Variants in PCDH15 observed in about 807,000 individuals in gnomAD.
PCDH15 encodes protocadherin related 15, also known as protocadherin-15.
Under a neutral mutation model 178.5 loss-of-function variants are expected in PCDH15, and 129 were observed. That is an observed-to-expected ratio of 0.72 (90% CI 0.63 to 0.84). The LOEUF is 0.84. Among genes scored for constraint, PCDH15 ranks in the 40% least tolerant of loss-of-function variants. PCDH15 has a pLI of 0.00. For missense variants in PCDH15, 2,230 were observed against 2,099.9 expected (o/e 1.06, Z -1.21); for synonymous variants, 800 against 732.0 (o/e 1.09, Z -1.50).
chr10:53,996,800 G>A (rs1037856892), intron 20 of PCDH15, among the ~76,000 whole-genome samples: 23 of 152,084 alleles, frequency 1.5e-4, no homozygotes, highest in Middle Eastern at 3.4e-3. Context: ...CGTGTTTTGG[G>A]TAGTGTGGGT....
At chr10:55,202,314 C>A (rs1158375955) in intron 1 of PCDH15, among the ~76,000 whole-genome samples, 1 of 152,056 alleles carries the variant, frequency 6.6e-6, no homozygotes, top group Non-Finnish European at 1.5e-5. Context: ...AGGGTAGAGA[C>A]AGCAAATAAA....
At chr10:54,157,628 T>G (rs966059404) in intron 13 of PCDH15, among the ~76,000 whole-genome samples, 7 of 152,350 alleles carry the variant, frequency 4.6e-5, no homozygotes, top group African/African-American at 1.7e-4. Flanking sequence ...GGATTAACAT[T>G]CAGCTTCTTG....
chr10:55,090,672 C>T (rs548492720), intron 2 of PCDH15, among the ~76,000 whole-genome samples: 12 of 152,158 alleles, frequency 7.9e-5, no homozygotes, highest in African/African-American at 2.2e-4. Context: ...TGACACACTT[C>T]AGCACATATA....
chr10:54,779,482 ATATATG>A (rs1383467689), intron 1 of PCDH15, among the ~76,000 whole-genome samples: 5 of 67,504 alleles, frequency 7.4e-5, no homozygotes, highest in Admixed American at 1.5e-4. Flanking sequence ...ATACACACAT[ATATATG>A]TATATATATA....
At chr10:55,313,651 A>G (rs562994447) in intron 1 of PCDH15, among the ~76,000 whole-genome samples, 81 of 152,300 alleles carry the variant, frequency 5.3e-4, no homozygotes, top group African/African-American at 1.8e-3. Context: ...CCGTCTTCAC[A>G]TATTTCTTTA....
At chr10:55,498,157 TTGA>T (rs1840578070) in intron 2 of PCDH15, among the ~76,000 whole-genome samples, 1 of 151,892 alleles carries the variant, frequency 6.6e-6, no homozygotes, top group South Asian at 2.1e-4. Flanking sequence ...TTTAAGAAGG[TTGA>T]GTTATTATAT....
At chr10:55,519,397 A>G (rs1841102431) in intron 2 of PCDH15, among the ~76,000 whole-genome samples, 1 of 151,996 alleles carries the variant, frequency 6.6e-6, no homozygotes, top group East Asian at 1.9e-4. Flanking sequence ...TCTGGGGGTT[A>G]AAGTCAAGGT....
chr10:54,622,325 T>G (rs1457930020), intron 2 of PCDH15, among the ~76,000 whole-genome samples: 2 of 151,266 alleles, frequency 1.3e-5, no homozygotes, highest in Non-Finnish European at 2.9e-5. Context: ...TTCCTATCTC[T>G]GATAAGAAAC....
intron 5 of PCDH15, among the ~76,000 whole-genome samples, chr10:54,364,320 C>T (rs1033717836): frequency 2.6e-5 from 4 of 151,036 alleles, no homozygotes; most frequent in African/African-American, 9.8e-5. Context: ...TATAATAATG[C>T]CATTTGTAAG....
chr10:54,598,086 C>T lies in PCDH15; in HGVS notation c.91+66086G>A, dbSNP rs991878869. Among the ~76,000 whole-genome samples the T allele has an allele frequency of 5.3e-5, 8 of 152,134 alleles. No homozygotes were observed. In the South Asian group the frequency reaches 6.2e-4, roughly 12 times the overall value. On this transcript the variant is annotated intron_variant, in intron 2 of 37. Transcript: ENST00000644397. ...AAGAGTTGGTGCATTCCTACTGAAA[C>T]GGTTCCCCCACAATTGAGAAGGGAC... is the stretch of plus-strand genomic sequence containing the variant.
chr10:55,251,411 C>G (rs915980322), intron 1 of PCDH15, among the ~76,000 whole-genome samples: 2 of 152,026 alleles, frequency 1.3e-5, no homozygotes, highest in African/African-American at 4.8e-5. Context: ...TGGTTTTTCT[C>G]CATTTCTATA....
intron 1 of PCDH15, among the ~76,000 whole-genome samples, chr10:55,209,595 G>A (rs1037255662): frequency 4.6e-5 from 7 of 151,924 alleles, no homozygotes; most frequent in Admixed American, 6.6e-5. Context: ...GAAAATGAGG[G>A]AGGAAATAAT....
chr10:54,580,965 G>T (rs2090983373), intron 2 of PCDH15, among the ~76,000 whole-genome samples: 5 of 152,042 alleles, frequency 3.3e-5, no homozygotes, highest in Admixed American at 3.3e-4. Flanking sequence ...AATAATAAGA[G>T]TCATCTATGA....
chr10:54,819,886 TTA>T (rs1953008598), intron 3 of PCDH15, among the ~76,000 whole-genome samples: 1 of 152,098 alleles, frequency 6.6e-6, no homozygotes, highest in Non-Finnish European at 1.5e-5. Flanking sequence ...AGTCACATAA[TTA>T]TTCTAAAATG....
chr10:55,608,551 T>A (rs951477414), intron 2 of PCDH15, among the ~76,000 whole-genome samples: 1 of 151,828 alleles, frequency 6.6e-6, no homozygotes, highest in Non-Finnish European at 1.5e-5. Context: ...CCATAAGTAA[T>A]TGGTATATAT....
intron 11 of PCDH15, among the ~76,000 whole-genome samples, chr10:54,194,062 G>GAAA (rs10629717): frequency 0.055 from 6,441 of 117,820 alleles, 574 homozygotes; most frequent in African/African-American, 0.18. Context: ...AGGAAAGATT[G>GAAA]AAAAAAAAAA....
chr10:54,760,196 G>C (rs926593712), intron 1 of PCDH15, among the ~76,000 whole-genome samples: 1 of 152,074 alleles, frequency 6.6e-6, no homozygotes, highest in African/African-American at 2.4e-5. Context: ...AATGTATCAA[G>C]GGAACAATAC....
chr10:55,192,884 T>C (rs548154049), intron 1 of PCDH15, among the ~76,000 whole-genome samples: 17 of 151,608 alleles, frequency 1.1e-4, no homozygotes, highest in African/African-American at 3.4e-4. Context: ...TATATACATA[T>C]ATAATCTGTT....
intron 2 of PCDH15, among the ~76,000 whole-genome samples, chr10:55,103,363 G>T (rs1242290925): frequency 1.3e-5 from 2 of 152,036 alleles, no homozygotes; most frequent in Non-Finnish European, 2.9e-5. Flanking sequence ...GCATCAAGTG[G>T]TCTTCTGTTA....
Sources: allele counts gnomAD v4.1 joint callset (sites outside exome capture counted in the v4.1 genomes callset), GRCh38; gene constraint gnomAD v4.1.1; transcripts MANE v1.5; gene names NCBI Gene and HGNC (gene_info 2026-07-23, HGNC 2026-07-21).